Variants in PRICKLE1 observed in about 807,000 individuals in gnomAD.
The protein encoded by PRICKLE1 is prickle-like protein 1.
A neutral mutation model predicts 70.2 loss-of-function variants in PRICKLE1; 14 were observed. That is an observed-to-expected ratio of 0.20 (90% CI 0.13 to 0.31). PRICKLE1 has a LOEUF of 0.31. Ranked by LOEUF, PRICKLE1 falls within the 10% of genes least tolerant of loss-of-function variation. The probability of loss-of-function intolerance (pLI) is 1.00; values close to 1 mark genes in which losing one functional copy is unlikely to be tolerated. For missense variants in PRICKLE1, 821 were observed against 1,026.2 expected (o/e 0.80, Z 2.73); for synonymous variants, 357 against 379.9 (o/e 0.94, Z 0.70).
In PRICKLE1 at chr12:42,578,743, TTTTATTTA is replaced by T. The variant is rs10699517; in HGVS notation, c.-49+10714_-49+10721del. 8.8e-3 allele frequency among the ~76,000 whole-genome samples: 1,284 copies of T among 146,266 alleles called. 14 individuals are homozygous for T. Among genetic ancestry groups the T allele is most frequent in the South Asian group, 0.045 (204 of 4,582 alleles). On this transcript the variant is annotated intron_variant, in intron 1 of 7. Transcript: ENST00000345127. Reference sequence around the variant, plus strand: ...CTGGCTACTATTTGTGTTTATTTCATTTTATTTATTTATTTATTTATTTATTTATTTAT... The same window carrying T: ...CTGGCTACTATTTGTGTTTATTTCATTTTATTTATTTATTTATTTATTTAT...
At chr12:42,529,634 C>A (rs1332227809) in intron 1 of PRICKLE1, among the ~76,000 whole-genome samples, 3 of 152,154 alleles carry the variant, frequency 2.0e-5, no homozygotes, top group African/African-American at 7.2e-5. Flanking sequence ...GTGGCTCATG[C>A]CTGTAATCCC....
chr12:42,507,036 G>C (rs1231370676), intron 1 of PRICKLE1, among the ~76,000 whole-genome samples: 1 of 152,188 alleles, frequency 6.6e-6, no homozygotes, highest in Non-Finnish European at 1.5e-5. Context: ...TGGGGGACAT[G>C]CAAGGCTTAA....
At chr12:42,549,790 T>C (rs1940280850) in intron 1 of PRICKLE1, among the ~76,000 whole-genome samples, 1 of 152,256 alleles carries the variant, frequency 6.6e-6, no homozygotes, top group Admixed American at 6.5e-5. Flanking sequence ...GGCATCATTA[T>C]CTGGCCCCAG....
intron 1 of PRICKLE1, among the ~76,000 whole-genome samples, chr12:42,508,815 G>A (rs1159866258): frequency 6.6e-6 from 1 of 152,200 alleles, no homozygotes; most frequent in Non-Finnish European, 1.5e-5. Flanking sequence ...TGTCACTGTA[G>A]TTCTGCTTCT....
At chr12:42,553,317 A>G (rs11181552) in intron 1 of PRICKLE1, among the ~76,000 whole-genome samples, 2,645 of 151,792 alleles carry the variant, frequency 0.017, 37 homozygotes, top group African/African-American at 0.034. Flanking sequence ...GGTAGCGGGC[A>G]CCTGTAGTCC....
At chr12:42,560,250 G>C (rs929649702) in intron 1 of PRICKLE1, among the ~76,000 whole-genome samples, 10 of 151,942 alleles carry the variant, frequency 6.6e-5, no homozygotes, top group African/African-American at 2.2e-4. Context: ...AATTTCTCCT[G>C]TCTCAGCCTC....
intron 1 of PRICKLE1, among the ~76,000 whole-genome samples, chr12:42,499,197 A>T (rs1939261438): frequency 1.3e-5 from 2 of 152,154 alleles, no homozygotes; most frequent in African/African-American, 4.8e-5. Flanking sequence ...CATAAGGTGG[A>T]TCTTATTTTC....
intron 1 of PRICKLE1, among the ~76,000 whole-genome samples, chr12:42,555,509 T>G (rs1455796149): frequency 2.0e-5 from 3 of 152,184 alleles, no homozygotes; most frequent in Admixed American, 2.0e-4. Flanking sequence ...ATTTAAAACC[T>G]TTCACAACAT....
At chr12:42,504,584 A>G (rs947185986) in intron 1 of PRICKLE1, among the ~76,000 whole-genome samples, 2 of 152,198 alleles carry the variant, frequency 1.3e-5, no homozygotes, top group African/African-American at 4.8e-5. Flanking sequence ...TGTGGCTGTA[A>G]GTAACAGAAA....
In PRICKLE1 at chr12:42,576,132, C is replaced by T. The variant is rs116900790; in HGVS notation, c.-49+13333G>A. 7.9e-3 allele frequency among the ~76,000 whole-genome samples: 1,209 copies of T among 152,252 alleles called. 14 individuals carry two copies. The highest frequency in any genetic ancestry group is 0.013 in the Non-Finnish European group (874 of 68,008). ...CAGTAAAGGTGTGTTGAAAGGAAAA[C>T]CATGCCACCAAATTGAAATAAAAAT... On this transcript the variant is annotated intron_variant, in intron 1 of 7. Coordinates refer to ENST00000345127, the MANE Select transcript of PRICKLE1 (RefSeq NM_153026.3).
intron 1 of PRICKLE1, among the ~76,000 whole-genome samples, chr12:42,571,693 A>AT (rs1940716522): frequency 6.6e-6 from 1 of 152,220 alleles, no homozygotes; most frequent in African/African-American, 2.4e-5. Context: ...TTTGGTACTG[A>AT]TATTAACATA....
intron 1 of PRICKLE1, among the ~76,000 whole-genome samples, chr12:42,527,940 T>C (rs1381402705): frequency 3.6e-4 from 15 of 42,164 alleles, no homozygotes; most frequent in African/African-American, 7.7e-4. Flanking sequence ...TATATATATA[T>C]ATATATATAT....
rs987625505 is a variant in PRICKLE1 at position 42,498,156 on chromosome 12, T to C, written c.-48-25592A>G. 2.0e-5 allele frequency among the ~76,000 whole-genome samples: 3 copies of C among 147,814 alleles called. No individual in the cohort carries two copies. In the East Asian group the frequency reaches 5.9e-4, roughly 29 times the overall value. On this transcript the variant is annotated intron_variant, in intron 1 of 7. Coordinates refer to ENST00000345127, the MANE Select transcript of PRICKLE1 (RefSeq NM_153026.3). ...AGCCTCCATGCCTAGTCTCATTTTCTTTTTTTCTTTTCTCTCTCTCTTTTT... is the reference window on the plus strand; with the variant it reads ...AGCCTCCATGCCTAGTCTCATTTTCCTTTTTTCTTTTCTCTCTCTCTTTTT...
chr12:42,573,373 T>G (rs954399985), intron 1 of PRICKLE1, among the ~76,000 whole-genome samples: 1 of 152,190 alleles, frequency 6.6e-6, no homozygotes, highest in Non-Finnish European at 1.5e-5. Flanking sequence ...CAAACTCCTA[T>G]TTATTCTTCT....
At chr12:42,469,150 C>G (rs935692630) in intron 4 of PRICKLE1, among the ~76,000 whole-genome samples, 1 of 152,126 alleles carries the variant, frequency 6.6e-6, no homozygotes, top group Non-Finnish European at 1.5e-5. Flanking sequence ...CATTATGTTT[C>G]TGCATCTTTT....
chr12:42,529,803 C>T (rs186927500), intron 1 of PRICKLE1, among the ~76,000 whole-genome samples: 11 of 152,008 alleles, frequency 7.2e-5, no homozygotes, highest in African/African-American at 1.7e-4. Context: ...GGCTGAGGCA[C>T]GAGAATTGCT....
intron 1 of PRICKLE1, among the ~76,000 whole-genome samples, chr12:42,558,323 A>G (rs1940447517): frequency 6.6e-6 from 1 of 152,236 alleles, no homozygotes; most frequent in Non-Finnish European, 1.5e-5. Flanking sequence ...TTTGTCCATT[A>G]TTACCATGAA....
rs564142136 is a variant in PRICKLE1, at chr12:42,457,501, TTTACA to T, written c.*2303_*2307del. 197 of 152,358 alleles carry T rather than the reference TTTACA, an allele frequency of 1.3e-3. 1 individual carries two copies. The highest frequency in any genetic ancestry group is 3.5e-3 in the African/African-American group (146 of 41,584). 9.4% of individuals were successfully genotyped at this position (152,358 alleles called of 1,614,324 possible). ...GGTTGTGATGGAACAAACACTCTCA[TTTACA>T]TTACATTAATGTAAATCAGGAGAAT... On this transcript the variant is annotated 3_prime_UTR_variant, in exon 8 of 8. Coordinates refer to ENST00000345127, the MANE Select transcript of PRICKLE1 (RefSeq NM_153026.3).
chr12:42,460,481 C>G lies in PRICKLE1; in HGVS notation c.1824G>C (p.Leu608=). Reference sequence around the variant, plus strand: ...GCAGATGTACTGGCTTCTCTTCAGGCAGGATTTTCTCTGGACACAACTCTG... The same window carrying G: ...GCAGATGTACTGGCTTCTCTTCAGGGAGGATTTTCTCTGGACACAACTCTG... ...LSSELCPEKI[L]PEEKPVHLPV... Residue 608 remains leucine (L), a synonymous_variant, in exon 8 of 8, where the codon CTG becomes CTC. Transcript: ENST00000345127. 3 of 1,613,750 alleles carry G rather than the reference C, an allele frequency of 1.9e-6. No individual in the cohort carries two copies. The highest frequency in any genetic ancestry group is 2.5e-6 in the Non-Finnish European group (3 of 1,179,672).
Sources: allele counts gnomAD v4.1 joint callset (sites outside exome capture counted in the v4.1 genomes callset), GRCh38; gene constraint gnomAD v4.1.1; transcripts MANE v1.5; gene names NCBI Gene and HGNC (gene_info 2026-07-23, HGNC 2026-07-21).